NCAPG2: variants seen among roughly 807,000 people sequenced by gnomAD.
NCAPG2 encodes non-SMC condensin II complex subunit G2.
In NCAPG2, 53 loss-of-function variants were observed where a neutral mutation model predicts 141.1. The ratio of observed to expected loss-of-function variants is 0.38; its 90% confidence interval spans 0.30 to 0.47. NCAPG2 has a LOEUF of 0.47. NCAPG2 is among the 20% of genes least tolerant of loss of function. The pLI is 0.99. For synonymous variants in NCAPG2, 499 were observed against 490.7 expected (o/e 1.02, Z -0.22); for missense variants, 1,087 against 1,389.0 (o/e 0.78, Z 3.46).
chr7:158,674,271 T>C (rs1173605251), intron 12 of NCAPG2, among the ~76,000 whole-genome samples: 1 of 135,366 alleles, frequency 7.4e-6, no homozygotes, highest in Admixed American at 8.3e-5. Flanking sequence ...AGGTTGAATA[T>C]GCACAGAAAA....
chr7:158,652,119 G>A (rs1831535825), intron 23 of NCAPG2, among the ~76,000 whole-genome samples, 174 bp downstream of exon 23: 1 of 152,128 alleles, frequency 6.6e-6, no homozygotes. Flanking sequence ...CCACCATGGG[G>A]GACTCCCACA....
intron 16 of NCAPG2, among the ~76,000 whole-genome samples, chr7:158,658,724 G>A (rs1449526404): frequency 6.6e-6 from 1 of 152,132 alleles, no homozygotes; most frequent in African/African-American, 2.4e-5. Context: ...ATCATATGCT[G>A]TCATGAATTG....
chr7:158,633,865 C>T lies in NCAPG2; in HGVS notation c.3381-2148G>A, dbSNP rs913828136. Among the ~76,000 whole-genome samples the T allele has an allele frequency of 2.6e-5, 4 of 152,124 alleles. No individual in the cohort carries two copies. The highest frequency in any genetic ancestry group is 5.9e-5 in the Non-Finnish European group (4 of 68,032). ...TCTCGGGCTCAAGCAATCCTCCCAG[C>T]TCACCCTCCCAAGTAGCTGGGACTA... On this transcript the variant is annotated intron_variant, in intron 27 of 27. Transcript: ENST00000356309. The surrounding 1 kb of genome is among the most constrained non-coding windows in gnomAD (Gnocchi z 4.1).
intron 24 of NCAPG2, among the ~76,000 whole-genome samples, chr7:158,648,427 A>G (rs1440397128): frequency 6.6e-6 from 1 of 152,210 alleles, no homozygotes. Context: ...GAACAGACAG[A>G]CTGATAGAAA....
At position 158,664,533 on chromosome 7, in the gene NCAPG2, T is replaced by C; in HGVS notation, c.1697A>G (p.Asn566Ser). Residue 566 changes from asparagine to serine, a missense_variant, in exon 14 of 28, where the codon AAC becomes AGC. Asn to Ser is a conservative substitution (Grantham distance 46). Transcript: ENST00000356309. Reference protein sequence around the residue: ...QYAHEHTACTNIAKLIHVIRH... With the variant: ...QYAHEHTACTSIAKLIHVIRH... ...GAAATAACAGCACTCCCTACCTATGTTGGTGCAGGCGGTGTGTTCGTGGGC... is the reference window on the plus strand; with the variant it reads ...GAAATAACAGCACTCCCTACCTATGCTGGTGCAGGCGGTGTGTTCGTGGGC... The C allele has an allele frequency of 1.2e-6, 2 of 1,613,944 alleles. No homozygotes were observed. The highest frequency in any genetic ancestry group is 2.2e-5 in the East Asian group (1 of 44,884).
intron 27 of NCAPG2, among the ~76,000 whole-genome samples, chr7:158,634,868 T>C (rs1239148438): frequency 2.6e-5 from 4 of 152,066 alleles, no homozygotes; most frequent in Non-Finnish European, 5.9e-5. Context: ...AATGAAGGAA[T>C]TTTAAAGTTG....
chr7:158,663,920 G>C (rs1832722702), intron 15 of NCAPG2, among the ~76,000 whole-genome samples: 1 of 152,174 alleles, frequency 6.6e-6, no homozygotes, highest in Non-Finnish European at 1.5e-5. Flanking sequence ...GAAATACAGA[G>C]ACATTTAAGG....
chr7:158,672,328 ATTTTTTTTTTTTTTTT>A (rs869090702), intron 12 of NCAPG2, among the ~76,000 whole-genome samples: 2 of 32,240 alleles, frequency 6.2e-5, no homozygotes, highest in African/African-American at 2.5e-4. Flanking sequence ...ATATATATAT[ATTTTTTTTTTTTTTTT>A]TTTTTTTTTT....
At chr7:158,658,947 G>C (rs754468520) in intron 16 of NCAPG2, among the ~76,000 whole-genome samples, 4 of 151,698 alleles carry the variant, frequency 2.6e-5, no homozygotes, top group Non-Finnish European at 5.9e-5. Context: ...TGAGCCTGAG[G>C]TGAGAGGACT....
At chr7:158,697,573 C>A (rs1000588551) in intron 2 of NCAPG2, among the ~76,000 whole-genome samples, 1 of 151,024 alleles carries the variant, frequency 6.6e-6, no homozygotes, top group Non-Finnish European at 1.5e-5. Flanking sequence ...TGCACTCCAG[C>A]CTGAGCAACA....
chr7:158,659,025 T>TAAAAA (rs55893307), intron 16 of NCAPG2, among the ~76,000 whole-genome samples: 1 of 97,740 alleles, frequency 1.0e-5, no homozygotes, highest in Non-Finnish European at 2.0e-5. Context: ...GCATTATATT[T>TAAAAA]AAAAAAAAAA....
chr7:158,652,565 A>G, intron 22 of NCAPG2, 85 bp from the exon 23 acceptor site: 1 of 1,087,008 alleles, frequency 9.2e-7, no homozygotes, highest in Non-Finnish European at 1.3e-6. Flanking sequence ...ACACATGTAT[A>G]AAATGGTAAC....
intron 13 of NCAPG2, among the ~76,000 whole-genome samples, chr7:158,670,137 C>T (rs776900587): frequency 5.3e-5 from 8 of 152,040 alleles, no homozygotes; most frequent in Non-Finnish European, 1.2e-4. Flanking sequence ...ATCAAAGTAA[C>T]TCAATTGCAT....
intron 1 of NCAPG2, among the ~76,000 whole-genome samples, chr7:158,703,166 GACA>G (rs909275521): frequency 1.6e-4 from 24 of 152,276 alleles, no homozygotes; most frequent in African/African-American, 5.3e-4. Context: ...ATTGCCTAAC[GACA>G]ACGTGTCTCC....
intron 27 of NCAPG2, among the ~76,000 whole-genome samples, chr7:158,634,918 G>A (rs1830090460): frequency 6.6e-6 from 1 of 152,204 alleles, no homozygotes; most frequent in Non-Finnish European, 1.5e-5. Context: ...AAAGCTCCCT[G>A]GGCCAGGGTT....
At position 158,647,864 on chromosome 7, in the gene NCAPG2, T is replaced by C. The variant is rs1831144887; in HGVS notation, c.3076-1301A>G. On this transcript the variant is annotated intron_variant, in intron 24 of 27. Transcript: ENST00000356309. ...GCCCAGCTAATTTTTAAATATTTTTTAATAGAGGCAGGGTCGCACCATGTT... is the reference window on the plus strand; with the variant it reads ...GCCCAGCTAATTTTTAAATATTTTTCAATAGAGGCAGGGTCGCACCATGTT... Among the ~76,000 whole-genome samples the C allele has an allele frequency of 2.0e-5, 3 of 152,042 alleles. No individual in the cohort carries two copies. The South Asian group carries it at 6.2e-4, about 32-fold the overall frequency.
At chr7:158,681,285 C>A (rs1399821681) in intron 9 of NCAPG2, among the ~76,000 whole-genome samples, 1 of 152,086 alleles carries the variant, frequency 6.6e-6, no homozygotes, top group Non-Finnish European at 1.5e-5. Flanking sequence ...CTTAGTGACC[C>A]CTCACTGTAT....
At chr7:158,672,180 C>T (rs979157390) in intron 12 of NCAPG2, among the ~76,000 whole-genome samples, 4 of 151,720 alleles carry the variant, frequency 2.6e-5, no homozygotes, top group African/African-American at 9.7e-5. Context: ...CCCCCAAACT[C>T]CAGCACTGCT....
intron 27 of NCAPG2, among the ~76,000 whole-genome samples, chr7:158,636,405 T>TC (rs1830199023): frequency 1.3e-5 from 2 of 149,684 alleles, no homozygotes; most frequent in South Asian, 2.1e-4. Flanking sequence ...TTTTTTTCTT[T>TC]TTTTTTTTTT....
Sources: gnomAD v4.1 joint callset for allele counts (sites outside exome capture counted in the v4.1 genomes callset) on GRCh38, gnomAD v4.1.1 for gene constraint, Gnocchi (gnomAD v3.1) non-coding constraint, MANE v1.5 for transcripts, NCBI Gene and HGNC (gene_info 2026-07-23, HGNC 2026-07-21) for gene names.